Variants in SGCZ observed in about 807,000 individuals in gnomAD.
The protein encoded by SGCZ is sarcoglycan zeta.
A neutral mutation model predicts 41.3 loss-of-function variants in SGCZ; 40 were observed. The ratio of observed to expected loss-of-function variants is 0.97; its 90% CI spans 0.75 to 1.26. The LOEUF is 1.26. Among genes scored for constraint, SGCZ ranks in the 50% most tolerant of loss-of-function variants. The pLI, the probability that SGCZ is intolerant of heterozygous loss-of-function variation, is 0.00. For missense variants in SGCZ, 552 were observed against 369.8 expected, an observed-to-expected ratio of 1.49 and a Z score of -4.04; for synonymous variants, 206 against 137.5, an observed-to-expected ratio of 1.50 and a Z score of -3.49.
chr8:14,150,566 T>C (rs1236388355), intron 5 of SGCZ, among the ~76,000 whole-genome samples: 6 of 152,128 alleles, frequency 3.9e-5, no homozygotes, highest in African/African-American at 1.2e-4. Context: ...TTGTATACTA[T>C]TGGAGGGAAT....
intron 1 of SGCZ, among the ~76,000 whole-genome samples, chr8:15,140,141 G>C (rs950817113): frequency 4.0e-5 from 6 of 151,860 alleles, no homozygotes; most frequent in South Asian, 4.2e-4. Context: ...TCCTATCTTA[G>C]CCTCCTGAGT....
At chr8:14,558,863 G>A (rs1297939987) in intron 1 of SGCZ, among the ~76,000 whole-genome samples, 1 of 151,910 alleles carries the variant, frequency 6.6e-6, no homozygotes, top group African/African-American at 2.4e-5. Context: ...CACATAAATA[G>A]AATCAGAAAC....
chr8:14,096,774 A>G (rs1308989290), intron 7 of SGCZ, among the ~76,000 whole-genome samples: 1 of 152,106 alleles, frequency 6.6e-6, no homozygotes, highest in Non-Finnish European at 1.5e-5. Context: ...TATTGCCTCA[A>G]TTTCAGAACT....
chr8:14,127,478 C>T (rs1824743), intron 5 of SGCZ, among the ~76,000 whole-genome samples: 27,679 of 151,796 alleles, frequency 0.18, 3,341 homozygotes, highest in East Asian at 0.64. Context: ...TTTTTTGATA[C>T]TGAGTCTCAC....
At chr8:14,556,673 G>A (rs986872444) in intron 1 of SGCZ, among the ~76,000 whole-genome samples, 2 of 151,968 alleles carry the variant, frequency 1.3e-5, no homozygotes, top group South Asian at 2.1e-4. Context: ...CCACTTATGA[G>A]TGAGAACATG....
intron 1 of SGCZ, among the ~76,000 whole-genome samples, chr8:14,646,212 T>A (rs929126936): frequency 1.3e-5 from 2 of 148,906 alleles, no homozygotes; most frequent in African/African-American, 2.5e-5. Flanking sequence ...GACTCCCCCT[T>A]CTCTAGTAGT....
intron 1 of SGCZ, among the ~76,000 whole-genome samples, chr8:14,605,177 T>C (rs1191798224): frequency 6.6e-6 from 1 of 152,082 alleles, no homozygotes; most frequent in Non-Finnish European, 1.5e-5. Context: ...AAACGTAAAA[T>C]TCAAAAGTAA....
intron 1 of SGCZ, among the ~76,000 whole-genome samples, chr8:15,092,861 C>T (rs1208818953): frequency 6.6e-6 from 1 of 152,168 alleles, no homozygotes; most frequent in Non-Finnish European, 1.5e-5. Context: ...CTATTTAAAG[C>T]AGACCCACTT....
rs529573436 is a variant in SGCZ, at chr8:14,581,873, C to A, written c.40-26947G>T. On this transcript the variant is annotated intron_variant, in intron 1 of 7. Transcript: ENST00000382080. ...TTATACACAGATGATGCTAGAACAA[C>A]AGGGGTTTCAATTTCATGGACACAC... 7.7e-4 allele frequency among the ~76,000 whole-genome samples: 118 copies of A among 152,260 alleles called. 1 individual carries two copies. The highest frequency in any genetic ancestry group is 7.5e-3 in the South Asian group (36 of 4,824).
At chr8:14,998,509 T>G (rs1355627139) in intron 1 of SGCZ, among the ~76,000 whole-genome samples, 1 of 146,022 alleles carries the variant, frequency 6.8e-6, no homozygotes, top group African/African-American at 2.5e-5. Flanking sequence ...TTCAATTAAA[T>G]CCTTCAAACA....
chr8:14,180,807 A>C lies in SGCZ; in HGVS notation c.425-16105T>G, dbSNP rs572495128. ...CCAGACTGTGCTCCTGAGAACACCA[A>C]TGGATCTGCCAAGTGGCGATGGCTA... On this transcript the variant is annotated intron_variant, in intron 4 of 7. Transcript: ENST00000382080. Among the ~76,000 whole-genome samples the C allele has an allele frequency of 2.0e-5, 3 of 152,054 alleles. No homozygotes were observed. In the East Asian group the frequency reaches 5.8e-4, roughly 30 times the overall value.
At chr8:14,569,996 T>G (rs1804502465) in intron 1 of SGCZ, among the ~76,000 whole-genome samples, 1 of 150,964 alleles carries the variant, frequency 6.6e-6, no homozygotes, top group Admixed American at 6.6e-5. Context: ...TCATACAAAA[T>G]AACATAGCAA....
chr8:14,992,372 T>C (rs1405364567), intron 1 of SGCZ, among the ~76,000 whole-genome samples: 3 of 149,366 alleles, frequency 2.0e-5, no homozygotes, highest in Non-Finnish European at 4.4e-5. Flanking sequence ...AAAACCAATG[T>C]TACCCTTGCT....
intron 2 of SGCZ, among the ~76,000 whole-genome samples, chr8:14,483,979 C>G (rs1220628824): frequency 6.6e-6 from 1 of 152,116 alleles, no homozygotes; most frequent in Non-Finnish European, 1.5e-5. Context: ...TGGCATCCAG[C>G]CCATGAAAAT....
At chr8:14,272,642 C>T (rs1359924222) in intron 3 of SGCZ, among the ~76,000 whole-genome samples, 1 of 152,076 alleles carries the variant, frequency 6.6e-6, no homozygotes, top group Non-Finnish European at 1.5e-5. Flanking sequence ...TAAACGTGTC[C>T]TGGTGTGTAG....
chr8:14,254,263 A>C (rs10099360), intron 3 of SGCZ, among the ~76,000 whole-genome samples: 101,612 of 152,154 alleles, frequency 0.67, 34,316 homozygotes, highest in South Asian at 0.78. Flanking sequence ...CTGATAAAAG[A>C]AAGCAAAGAA....
chr8:14,260,597 G>A (rs12155911), intron 3 of SGCZ, among the ~76,000 whole-genome samples: 2 of 148,440 alleles, frequency 1.3e-5, no homozygotes, highest in Non-Finnish European at 3.0e-5. Context: ...CCATTACTGG[G>A]TATATACCCA....
intron 5 of SGCZ, among the ~76,000 whole-genome samples, chr8:14,130,453 A>T: frequency 6.6e-6 from 1 of 151,908 alleles, no homozygotes; most frequent in East Asian, 1.9e-4. Context: ...AAGATAGCTG[A>T]CTAGGGGTTC....
chr8:14,938,961 C>A (rs1800176748), intron 1 of SGCZ, among the ~76,000 whole-genome samples: 3 of 152,094 alleles, frequency 2.0e-5, no homozygotes, highest in Non-Finnish European at 4.4e-5. Flanking sequence ...TTCTGCTAAG[C>A]CCAAGACTGC....
Sources: allele counts gnomAD v4.1 joint callset (sites outside exome capture counted in the v4.1 genomes callset), GRCh38; gene constraint gnomAD v4.1.1; transcripts MANE v1.5; gene names NCBI Gene and HGNC (gene_info 2026-07-23, HGNC 2026-07-21).